Variants in SEPTIN9 observed in about 807,000 individuals in gnomAD.
SEPTIN9 encodes the protein septin 9, also known as septin-9.
SEPTIN9 carries 13 observed loss-of-function variants against 56.6 expected under a neutral mutation model. The ratio of observed to expected loss-of-function variants is 0.23; its 90% CI spans 0.15 to 0.37. The LOEUF is 0.37. Among genes scored for constraint, SEPTIN9 ranks in the 10% least tolerant of loss-of-function variants. The pLI is 1.00. For synonymous variants in SEPTIN9, 332 were observed against 334.1 expected (o/e 0.99, Z 0.07); for missense variants, 650 against 823.1 (o/e 0.79, Z 2.57).
rs1415384084 is a variant in SEPTIN9 at position 77,405,089 on chromosome 17, G to T, written c.721+2386G>T. ...TTGTCACCGAGCCATCTAAATCTCG[G>T]TGATGGCTGGTGCTGGATGCACAGG... On this transcript the variant is annotated intron_variant, in intron 3 of 11. Coordinates refer to ENST00000427177, the MANE Select transcript of SEPTIN9 (RefSeq NM_001113491.2). The surrounding 1 kb of genome is among the most constrained non-coding windows in gnomAD (Gnocchi z 5.8). 6.5e-7 allele frequency: 1 copy of T among 1,535,456 alleles called. No homozygotes were observed. The highest frequency in any genetic ancestry group is 2.0e-5 in the Admixed American group (1 of 50,982).
chr17:77,381,574 C>G (rs970201126), intron 2 of SEPTIN9, among the ~76,000 whole-genome samples: 1 of 152,272 alleles, frequency 6.6e-6, no homozygotes, highest in African/African-American at 2.4e-5. Context: ...TGGCTCCAAA[C>G]CAGGCCTGGA....
intron 1 of SEPTIN9, among the ~76,000 whole-genome samples, chr17:77,298,738 T>C (rs2031917878): frequency 6.6e-6 from 1 of 152,244 alleles, no homozygotes; most frequent in Non-Finnish European, 1.5e-5. Context: ...ATCTCATTGC[T>C]TCCTGGCCTC....
Position 77,425,153 on chromosome 17 carries a change from G to C in SEPTIN9, c.721+22450G>C, listed in dbSNP as rs2036855942. The stretch of plus-strand genomic sequence containing the variant: ...CCCTGCCCTCCCCCAGAGCCCCACT[G>C]ACCTGCACCATGTGACCCGGGCCTG... On this transcript the variant is annotated intron_variant, in intron 3 of 11. Transcript: ENST00000427177. This position sits in a 1 kb window ranked among gnomAD's most constrained non-coding sequence, Gnocchi z 4.2. Among the ~76,000 whole-genome samples, 1 of 152,178 alleles carries C rather than the reference G, an allele frequency of 6.6e-6. No homozygotes were observed. Among genetic ancestry groups the C allele is most frequent in the Non-Finnish European group, 1.5e-5 (1 of 68,022 alleles).
At chr17:77,490,659 A>T in intron 7 of SEPTIN9, 83 bp from the exon 8 acceptor site, 1 of 1,072,668 alleles carries the variant, frequency 9.3e-7, no homozygotes, top group Non-Finnish European at 1.4e-6. Context: ...AGCACCTGAG[A>T]GTGTCGACAC....
intron 2 of SEPTIN9, among the ~76,000 whole-genome samples, chr17:77,348,807 C>T (rs1029162240): frequency 2.2e-4 from 33 of 152,156 alleles, no homozygotes; most frequent in Non-Finnish European, 4.1e-4. Context: ...TTACTACATC[C>T]ATACACATTG....
chr17:77,427,713 G>T (rs1315368289), intron 3 of SEPTIN9, among the ~76,000 whole-genome samples: 1 of 152,182 alleles, frequency 6.6e-6, no homozygotes, highest in Admixed American at 6.5e-5. Context: ...TGCCTGCAGG[G>T]TCTTGAGCCC....
chr17:77,300,364 G>A (rs1314616718), intron 1 of SEPTIN9, among the ~76,000 whole-genome samples: 1 of 152,128 alleles, frequency 6.6e-6, no homozygotes, highest in Non-Finnish European at 1.5e-5. Flanking sequence ...ACAGCCCCAC[G>A]TGTCAGCCTT....
chr17:77,298,223 T>C (rs1379791883), intron 1 of SEPTIN9, among the ~76,000 whole-genome samples: 1 of 152,180 alleles, frequency 6.6e-6, no homozygotes, highest in East Asian at 1.9e-4. Flanking sequence ...TCACAATTAC[T>C]AGGAATAATG....
chr17:77,320,344 C>T, intron 2 of SEPTIN9: 1 of 1,612,958 alleles, frequency 6.2e-7, no homozygotes. Flanking sequence ...GGGACCGGAT[C>T]TCAGGTACGC....
intron 11 of SEPTIN9, chr17:77,497,627 T>C (rs2040327110): frequency 3.5e-6 from 2 of 569,162 alleles, no homozygotes; most frequent in Non-Finnish European, 6.3e-6. Flanking sequence ...TCCACTGTGG[T>C]CTGGCCCGTT....
At chr17:77,384,867 AC>A in intron 2 of SEPTIN9, among the ~76,000 whole-genome samples, 2 of 151,370 alleles carry the variant, frequency 1.3e-5, no homozygotes, top group Non-Finnish European at 2.9e-5. Context: ...ACACACACAC[AC>A]ACACACACAC....
chr17:77,383,431 G>T (rs1010785302), intron 2 of SEPTIN9, among the ~76,000 whole-genome samples: 2 of 152,006 alleles, frequency 1.3e-5, no homozygotes, highest in Non-Finnish European at 1.5e-5. Flanking sequence ...GCGCTGGAAG[G>T]CCGGCCCGGG....
At chr17:77,300,929 C>G (rs1405593603) in intron 1 of SEPTIN9, among the ~76,000 whole-genome samples, 1 of 131,420 alleles carries the variant, frequency 7.6e-6, no homozygotes, top group African/African-American at 2.9e-5. Context: ...AAACCACCCT[C>G]AACCCAGGCT....
In SEPTIN9 at chr17:77,369,058, TC is replaced by T. The variant is rs1363863796; in HGVS notation, c.77-32999del. On this transcript the variant is annotated intron_variant, in intron 2 of 11. Transcript: ENST00000427177. The surrounding 1 kb of genome is among the most constrained non-coding windows in gnomAD (Gnocchi z 4.9). The stretch of plus-strand genomic sequence containing the variant: ...AAACCAGCCTGGCCAGCAGGGTGAA[TC>T]CTCATCTCTAGTAAAAATACAAAAA... 6.6e-5 allele frequency among the ~76,000 whole-genome samples: 10 copies of T among 152,006 alleles called. No individual in the cohort carries two copies. The highest frequency in any genetic ancestry group is 2.4e-4 in the African/African-American group (10 of 41,370).
Position 77,369,375 on chromosome 17 carries a change from A to G in SEPTIN9, c.77-32684A>G, listed in dbSNP as rs1308569278. Among the ~76,000 whole-genome samples the G allele has an allele frequency of 1.3e-5, 2 of 152,162 alleles. No individual in the cohort carries two copies. Among genetic ancestry groups the G allele is most frequent in the Non-Finnish European group, 2.9e-5 (2 of 68,018 alleles). On this transcript the variant is annotated intron_variant, in intron 2 of 11. Coordinates refer to ENST00000427177, the MANE Select transcript of SEPTIN9 (RefSeq NM_001113491.2). The surrounding 1 kb of genome is among the most constrained non-coding windows in gnomAD (Gnocchi z 4.9). ...GTTGTTGACCGTTAACTGGCACACT[A>G]CTGGAGGAGGGAGGTTCAGACTGAT... is the stretch of plus-strand genomic sequence containing the variant.
intron 4 of SEPTIN9, among the ~76,000 whole-genome samples, chr17:77,485,738 C>A (rs2039748782): frequency 6.6e-6 from 1 of 152,010 alleles, no homozygotes; most frequent in Admixed American, 6.5e-5. Context: ...CTAAACAGTT[C>A]AGGCCAGGGA....
chr17:77,357,599 C>T (rs2034294739), intron 2 of SEPTIN9, among the ~76,000 whole-genome samples: 1 of 152,082 alleles, frequency 6.6e-6, no homozygotes, highest in Non-Finnish European at 1.5e-5. Flanking sequence ...AAATTCCCTC[C>T]CTTCCCCTCC....
In SEPTIN9 at chr17:77,407,124, A is replaced by T. The variant is rs542410795; in HGVS notation, c.721+4421A>T. On this transcript the variant is annotated intron_variant, in intron 3 of 11. Transcript: ENST00000427177. ...TAGAGAAACCCTATCTTTACAAAAAATACAAAAAATTAGCCAGGCATGATA... is the reference window on the plus strand; with the variant it reads ...TAGAGAAACCCTATCTTTACAAAAATTACAAAAAATTAGCCAGGCATGATA... 6.6e-5 allele frequency among the ~76,000 whole-genome samples: 10 copies of T among 152,096 alleles called. No homozygotes were observed. The South Asian group carries it at 1.7e-3, about 25-fold the overall frequency.
At chr17:77,352,603 C>G (rs1194544225) in intron 2 of SEPTIN9, among the ~76,000 whole-genome samples, 18 of 152,254 alleles carry the variant, frequency 1.2e-4, no homozygotes, top group Admixed American at 4.6e-4. Context: ...CGGCCTACCC[C>G]CCACCTGGCC....
Sources: allele counts gnomAD v4.1 joint callset (sites outside exome capture counted in the v4.1 genomes callset), GRCh38; gene constraint gnomAD v4.1.1; non-coding constraint Gnocchi (gnomAD v3.1); transcripts MANE v1.5; gene names NCBI Gene and HGNC (gene_info 2026-07-23, HGNC 2026-07-21).